CTNND2: variants seen among roughly 807,000 people sequenced by gnomAD.
CTNND2 encodes catenin delta-2.
In CTNND2, 22 loss-of-function variants were observed where a neutral mutation model predicts 144.4. The ratio of observed to expected loss-of-function variants is 0.15; its 90% CI spans 0.11 to 0.22. The LOEUF (loss-of-function observed/expected upper bound fraction) is 0.22, where lower values mean the gene tolerates loss of function less well. Ranked by LOEUF, CTNND2 falls within the 10% of genes least tolerant of loss-of-function variation. CTNND2 has a pLI of 1.00. For missense variants in CTNND2, 1,353 were observed against 1,618.8 expected, an observed-to-expected ratio of 0.84 and a Z score of 2.82; for synonymous variants, 751 against 695.6, an observed-to-expected ratio of 1.08 and a Z score of -1.25.
intron 18 of CTNND2, among the ~76,000 whole-genome samples, chr5:11,009,295 C>T (rs1235828550): frequency 2.0e-5 from 3 of 152,180 alleles, no homozygotes; most frequent in Non-Finnish European, 2.9e-5. Flanking sequence ...CAGGATATAA[C>T]CAAGATGGTC....
chr5:11,105,567 G>A (rs1752342495), intron 14 of CTNND2, among the ~76,000 whole-genome samples: 1 of 152,198 alleles, frequency 6.6e-6, no homozygotes, highest in African/African-American at 2.4e-5. Flanking sequence ...TATTGATGGT[G>A]TGGAAGGCTG....
chr5:11,825,223 CA>C (rs555634553), intron 1 of CTNND2, among the ~76,000 whole-genome samples: 98 of 152,172 alleles, frequency 6.4e-4, no homozygotes, highest in African/African-American at 2.4e-3. Context: ...GAGGTGGGAA[CA>C]CGCACAAAGT....
Position 10,973,279 on chromosome 5 carries a change from C to A in CTNND2, c.*174G>T, listed in dbSNP as rs909700549. The stretch of plus-strand genomic sequence containing the variant: ...TTCTACTGATTTCCAAGTTAACTTG[C>A]GATTCATTTAGCTTTCTAAAATAGC... On this transcript the variant is annotated 3_prime_UTR_variant, in exon 22 of 22. Coordinates refer to ENST00000304623, the MANE Select transcript of CTNND2 (RefSeq NM_001332.4). The surrounding 1 kb of genome is among the most constrained non-coding windows in gnomAD (Gnocchi z 5.6). The A allele has an allele frequency of 4.7e-6, 3 of 635,960 alleles. No individual in the cohort carries two copies. The highest frequency in any genetic ancestry group is 7.4e-6 in the Non-Finnish European group (3 of 407,560). 39.4% of individuals were successfully genotyped at this position (635,960 alleles called of 1,614,324 possible).
intron 20 of CTNND2, among the ~76,000 whole-genome samples, chr5:10,983,012 T>C (rs1447683464): frequency 1.3e-5 from 2 of 151,790 alleles, no homozygotes; most frequent in Admixed American, 6.6e-5. Context: ...AGAAGTGGAG[T>C]TGGGAGAGAG....
At chr5:11,878,354 T>A (rs1735713482) in intron 1 of CTNND2, among the ~76,000 whole-genome samples, 2 of 152,194 alleles carry the variant, frequency 1.3e-5, no homozygotes, top group Admixed American at 1.3e-4. Flanking sequence ...TACAAAAGTT[T>A]GCTGGCTTGT....
chr5:11,519,507 GTT>G (rs33945163), intron 3 of CTNND2, among the ~76,000 whole-genome samples: 263 of 140,878 alleles, frequency 1.9e-3, no homozygotes, highest in South Asian at 5.8e-3. Context: ...TCTTTTGTGG[GTT>G]TTTTTTTTTT....
At chr5:11,229,099 G>A (rs753954437) in intron 10 of CTNND2, among the ~76,000 whole-genome samples, 1 of 152,046 alleles carries the variant, frequency 6.6e-6, no homozygotes, top group Non-Finnish European at 1.5e-5. Context: ...TAATCAGGTC[G>A]AAACCTTAAA....
chr5:11,623,831 T>C (rs1322799366), intron 2 of CTNND2, among the ~76,000 whole-genome samples: 3 of 121,874 alleles, frequency 2.5e-5, no homozygotes, highest in Non-Finnish European at 5.0e-5. Flanking sequence ...TATATATATA[T>C]ATATATATAT....
intron 9 of CTNND2, among the ~76,000 whole-genome samples, chr5:11,318,103 C>G (rs993152173): frequency 2.7e-4 from 41 of 152,162 alleles, no homozygotes; most frequent in African/African-American, 9.7e-4. Flanking sequence ...GAGCTGCATT[C>G]TACTGACTTT....
At chr5:11,626,914 C>CT (rs1487763646) in intron 2 of CTNND2, among the ~76,000 whole-genome samples, 1 of 152,104 alleles carries the variant, frequency 6.6e-6, no homozygotes, top group Non-Finnish European at 1.5e-5. Context: ...CTTATTTCTT[C>CT]TTTTTTTGGT....
Position 11,326,367 on chromosome 5 carries a change from T to C in CTNND2, c.1628+20005A>G, listed in dbSNP as rs114482796. Among the ~76,000 whole-genome samples, 999 of 152,210 alleles carry C rather than the reference T, an allele frequency of 6.6e-3. 14 individuals carry two copies. Among genetic ancestry groups the C allele is most frequent in the African/African-American group, 0.023 (941 of 41,530 alleles). On this transcript the variant is annotated intron_variant, in intron 9 of 21. Transcript: ENST00000304623. ...CTGGGGAGTCAGAGGCTGGCCTTTA[T>C]TTGAGAAGAGGGTGGGATTACTGTG...
intron 1 of CTNND2, among the ~76,000 whole-genome samples, chr5:11,846,816 T>C (rs1387022968): frequency 1.3e-5 from 2 of 151,824 alleles, no homozygotes; most frequent in Non-Finnish European, 2.9e-5. Flanking sequence ...AAAGAAGATA[T>C]GAAAATGGTT....
chr5:11,819,665 A>G (rs1358833783), intron 1 of CTNND2, among the ~76,000 whole-genome samples: 2 of 152,098 alleles, frequency 1.3e-5, no homozygotes, highest in Admixed American at 6.5e-5. Flanking sequence ...ACCAGTGCAG[A>G]GTCTAGGCCA....
At chr5:11,633,313 A>G (rs1781505335) in intron 2 of CTNND2, among the ~76,000 whole-genome samples, 1 of 152,212 alleles carries the variant, frequency 6.6e-6, no homozygotes, top group Non-Finnish European at 1.5e-5. Flanking sequence ...CATCAACAAC[A>G]ATGAAGGCAA....
At chr5:11,306,219 G>A (rs918655694) in intron 9 of CTNND2, among the ~76,000 whole-genome samples, 1 of 152,214 alleles carries the variant, frequency 6.6e-6, no homozygotes, top group Admixed American at 6.5e-5. Context: ...GGCAAGAGAT[G>A]ATGCTGGCTT....
intron 17 of CTNND2, among the ~76,000 whole-genome samples, chr5:11,021,346 G>A (rs573193135): frequency 8.5e-5 from 13 of 152,050 alleles, no homozygotes; most frequent in Admixed American, 2.0e-4. Flanking sequence ...TGCAGACTAC[G>A]GTTTTATTGT....
chr5:11,443,161 CT>C (rs1291609144), intron 3 of CTNND2, among the ~76,000 whole-genome samples: 2 of 146,332 alleles, frequency 1.4e-5, no homozygotes, highest in Non-Finnish European at 3.0e-5. Flanking sequence ...TTGATTTTGA[CT>C]TTAAATATGT....
chr5:11,035,173 A>G (rs547418629), intron 16 of CTNND2, among the ~76,000 whole-genome samples: 3 of 152,020 alleles, frequency 2.0e-5, no homozygotes, highest in Admixed American at 2.0e-4. Flanking sequence ...CAGTGCTTTA[A>G]AACTAGATAC....
At chr5:11,077,926 T>C (rs568666647) in intron 16 of CTNND2, among the ~76,000 whole-genome samples, 1 of 150,120 alleles carries the variant, frequency 6.7e-6, no homozygotes, top group Admixed American at 6.6e-5. Flanking sequence ...TCTGCAAGAA[T>C]AACTGGTCAT....
Sources: allele counts gnomAD v4.1 joint callset (sites outside exome capture counted in the v4.1 genomes callset), GRCh38; gene constraint gnomAD v4.1.1; non-coding constraint Gnocchi (gnomAD v3.1); transcripts MANE v1.5; gene names NCBI Gene and HGNC (gene_info 2026-07-23, HGNC 2026-07-21).